Variants in NECAB1 observed in about 807,000 individuals in gnomAD.
NECAB1 encodes N-terminal EF-hand calcium-binding protein 1.
In NECAB1, 29 loss-of-function variants were observed where a neutral mutation model predicts 57.5. That is an observed-to-expected ratio of 0.50 (90% CI 0.38 to 0.69). The LOEUF (loss-of-function observed/expected upper bound fraction) is 0.69. NECAB1 is among the 30% of genes least tolerant of loss of function. The pLI, the probability that NECAB1 is intolerant of heterozygous loss-of-function variation, is 0.00. For synonymous variants in NECAB1, 142 were observed against 147.7 expected (o/e 0.96, Z 0.28); for missense variants, 372 against 413.8 (o/e 0.90, Z 0.88).
chr8:90,793,923 A>G (rs1193811437), intron 1 of NECAB1, among the ~76,000 whole-genome samples: 1 of 152,224 alleles, frequency 6.6e-6, no homozygotes, highest in African/African-American at 2.4e-5. Context: ...TTTATTATGT[A>G]TGCATGATTG....
At chr8:90,834,686 C>T (rs76165217) in intron 3 of NECAB1, among the ~76,000 whole-genome samples, 8,898 of 152,136 alleles carry the variant, frequency 0.058, 373 homozygotes, top group South Asian at 0.08. Context: ...ATAAACAGTA[C>T]ATAATTATTG....
At chr8:90,838,962 C>T (rs1812412806) in intron 3 of NECAB1, among the ~76,000 whole-genome samples, 1 of 152,118 alleles carries the variant, frequency 6.6e-6, no homozygotes, top group African/African-American at 2.4e-5. Context: ...GTAAAATCAA[C>T]CCCTGGAAAC....
chr8:90,802,004 C>T (rs1489667310), intron 2 of NECAB1, among the ~76,000 whole-genome samples: 1 of 152,200 alleles, frequency 6.6e-6, no homozygotes. Flanking sequence ...GCAGCAATAG[C>T]AGCTTCTATT....
intron 2 of NECAB1, among the ~76,000 whole-genome samples, chr8:90,804,599 A>G (rs1811817380): frequency 6.6e-6 from 1 of 152,222 alleles, no homozygotes; most frequent in Admixed American, 6.5e-5. Context: ...TTCAAAAATC[A>G]TAACATCACT....
intron 2 of NECAB1, among the ~76,000 whole-genome samples, chr8:90,805,176 T>C (rs563614468): frequency 6.6e-5 from 10 of 152,332 alleles, no homozygotes; most frequent in African/African-American, 2.4e-4. Context: ...AATGAGAAGA[T>C]AAAAGCATAT....
intron 8 of NECAB1, among the ~76,000 whole-genome samples, 153 bp downstream of exon 8, chr8:90,928,452 G>A (rs1810330439): frequency 1.3e-5 from 2 of 152,098 alleles, no homozygotes; most frequent in Non-Finnish European, 2.9e-5. Context: ...GTTATTTGAG[G>A]TTTTTGTTGT....
intron 3 of NECAB1, among the ~76,000 whole-genome samples, chr8:90,853,251 C>T (rs1226229330): frequency 6.6e-6 from 1 of 152,250 alleles, no homozygotes; most frequent in Non-Finnish European, 1.5e-5. Context: ...CTGGTTCCAG[C>T]ACTCGTGGAC....
At chr8:90,926,701 C>T (rs771588994) in intron 7 of NECAB1, among the ~76,000 whole-genome samples, 68 of 152,134 alleles carry the variant, frequency 4.5e-4, no homozygotes, top group Non-Finnish European at 5.1e-4. Context: ...ATTTTCTTCT[C>T]CTAGTGGGTG....
At chr8:90,883,706 C>T (rs1808900554) in intron 5 of NECAB1, among the ~76,000 whole-genome samples, 1 of 152,158 alleles carries the variant, frequency 6.6e-6, no homozygotes, top group Non-Finnish European at 1.5e-5. Flanking sequence ...GATTATTTTA[C>T]TTTGCTTGTT....
intron 8 of NECAB1, among the ~76,000 whole-genome samples, chr8:90,931,863 C>A (rs1810414482): frequency 6.6e-6 from 1 of 152,040 alleles, no homozygotes; most frequent in Non-Finnish European, 1.5e-5. Context: ...GAGATCGTGC[C>A]ACTTCACTCC....
intron 3 of NECAB1, among the ~76,000 whole-genome samples, chr8:90,843,005 A>T (rs1252310787): frequency 6.6e-6 from 1 of 152,198 alleles, no homozygotes; most frequent in Non-Finnish European, 1.5e-5. Flanking sequence ...TAATTTATAA[A>T]GAAAAATGAA....
At chr8:90,918,780 A>G (rs1586124238) in intron 6 of NECAB1, among the ~76,000 whole-genome samples, 1 of 152,106 alleles carries the variant, frequency 6.6e-6, no homozygotes, top group East Asian at 1.9e-4. Flanking sequence ...CACTGATTGG[A>G]CAGTAATTTC....
intron 4 of NECAB1, among the ~76,000 whole-genome samples, chr8:90,876,455 G>A (rs1177972097): frequency 6.6e-6 from 1 of 151,818 alleles, no homozygotes; most frequent in East Asian, 2.0e-4. Flanking sequence ...TTAGATGAGA[G>A]TCATCTAAAC....
At chr8:90,799,788 G>T (rs905012060) in intron 1 of NECAB1, among the ~76,000 whole-genome samples, 3 of 152,056 alleles carry the variant, frequency 2.0e-5, no homozygotes, top group Non-Finnish European at 4.4e-5. Flanking sequence ...GGCTATTCAG[G>T]CTCCATTTTG....
intron 3 of NECAB1, among the ~76,000 whole-genome samples, chr8:90,862,597 G>A (rs971619113): frequency 6.6e-6 from 1 of 152,072 alleles, no homozygotes; most frequent in African/African-American, 2.4e-5. Context: ...GCTATTGAAG[G>A]AATATATTGT....
In NECAB1 at chr8:90,855,120, G is replaced by A. The variant is rs529928682; in HGVS notation, c.234-17008G>A. 5.9e-5 allele frequency among the ~76,000 whole-genome samples: 9 copies of A among 152,286 alleles called. No individual in the cohort carries two copies. In the East Asian group the frequency reaches 1.7e-3, roughly 29 times the overall value. ...ACAGGTCACTGTATCTTGGGCAGAAGCAGTCATTCAGGCTATCTTTTCTAA... is the reference window on the plus strand; with the variant it reads ...ACAGGTCACTGTATCTTGGGCAGAAACAGTCATTCAGGCTATCTTTTCTAA... On this transcript the variant is annotated intron_variant, in intron 3 of 12. Coordinates refer to ENST00000417640, the MANE Select transcript of NECAB1 (RefSeq NM_022351.5).
intron 9 of NECAB1, among the ~76,000 whole-genome samples, chr8:90,939,570 T>C (rs763558171): frequency 7.2e-5 from 11 of 152,184 alleles, no homozygotes; most frequent in Admixed American, 1.3e-4. Flanking sequence ...ATATATCTCA[T>C]TAGGAAAGCC....
At chr8:90,861,563 A>G (rs775267271) in intron 3 of NECAB1, among the ~76,000 whole-genome samples, 4 of 152,130 alleles carry the variant, frequency 2.6e-5, no homozygotes, top group Non-Finnish European at 5.9e-5. Context: ...ATGGCAAATG[A>G]CCAGGAGTCT....
intron 6 of NECAB1, among the ~76,000 whole-genome samples, chr8:90,923,057 G>T (rs1810166886): frequency 1.3e-5 from 2 of 152,160 alleles, no homozygotes; most frequent in South Asian, 4.1e-4. Flanking sequence ...AGCAGGCAAT[G>T]TAAGAAGCCA....
Sources: allele counts gnomAD v4.1 joint callset (sites outside exome capture counted in the v4.1 genomes callset), GRCh38; gene constraint gnomAD v4.1.1; transcripts MANE v1.5; gene names NCBI Gene and HGNC (gene_info 2026-07-23, HGNC 2026-07-21).